ASB7: variants seen among roughly 807,000 people sequenced by gnomAD.
ASB7 encodes ankyrin repeat and SOCS box containing 7.
Under a neutral mutation model 32.5 loss-of-function variants are expected in ASB7, and 4 were observed. The observed-to-expected ratio is 0.12, with a 90% confidence interval of 0.06 to 0.28. The LOEUF (loss-of-function observed/expected upper bound fraction) is 0.28. Ranked by LOEUF, ASB7 falls within the 10% of genes least tolerant of loss-of-function variation. The pLI is 1.00. For missense variants in ASB7, 181 were observed against 407.1 expected (o/e 0.44, Z 4.78); for synonymous variants, 172 against 155.6 (o/e 1.11, Z -0.78).
intron 4 of ASB7, among the ~76,000 whole-genome samples, chr15:100,627,896 A>T (rs1233717999): frequency 6.6e-6 from 1 of 152,216 alleles, no homozygotes; most frequent in Non-Finnish European, 1.5e-5. Context: ...AACTTCTGGT[A>T]AGCGATGCAC....
intron 5 of ASB7, among the ~76,000 whole-genome samples, chr15:100,640,976 G>C (rs887473699): frequency 6.6e-6 from 1 of 152,110 alleles, no homozygotes; most frequent in African/African-American, 2.4e-5. Flanking sequence ...TGAATACCTG[G>C]TAGTTTTTTG....
intron 3 of ASB7, among the ~76,000 whole-genome samples, chr15:100,610,314 G>A (rs2039683745): frequency 6.6e-6 from 1 of 151,888 alleles, no homozygotes; most frequent in African/African-American, 2.4e-5. Context: ...CTAACACGGT[G>A]AAACCCCGTC....
At chr15:100,627,500 G>C (rs1485914845) in intron 4 of ASB7, among the ~76,000 whole-genome samples, 1 of 152,012 alleles carries the variant, frequency 6.6e-6, no homozygotes, top group Non-Finnish European at 1.5e-5. Context: ...CATTTTCATT[G>C]CTTCTAATCT....
intron 4 of ASB7, among the ~76,000 whole-genome samples, chr15:100,620,625 C>G (rs1381932886): frequency 1.3e-5 from 2 of 151,444 alleles, no homozygotes; most frequent in Non-Finnish European, 1.5e-5. Flanking sequence ...TATAATAGCA[C>G]GTCTGTACAA....
At chr15:100,605,391 A>G (rs1370980897) in intron 2 of ASB7, among the ~76,000 whole-genome samples, 1 of 152,262 alleles carries the variant, frequency 6.6e-6, no homozygotes, top group Non-Finnish European at 1.5e-5. Context: ...ATATAGATTT[A>G]TAATCACGTA....
At chr15:100,619,425 A>C (rs2141393583) in intron 4 of ASB7, among the ~76,000 whole-genome samples, 1 of 152,376 alleles carries the variant, frequency 6.6e-6, no homozygotes, top group East Asian at 1.9e-4. Context: ...ACATATCAGA[A>C]GGGCGTAAGC....
chr15:100,621,543 G>A lies in ASB7; in HGVS notation c.212-7894G>A, dbSNP rs115248147. ...TTTGAGTACTTTTGCCACAGACAGTGTAAATGTATTTTTATCATCATTTCA... is the reference window on the plus strand; with the variant it reads ...TTTGAGTACTTTTGCCACAGACAGTATAAATGTATTTTTATCATCATTTCA... On this transcript the variant is annotated intron_variant, in intron 4 of 5. Transcript: ENST00000332783. 5.9e-3 allele frequency among the ~76,000 whole-genome samples: 899 copies of A among 152,218 alleles called. 3 individuals carry two copies. Among genetic ancestry groups the A allele is most frequent in the African/African-American group, 0.016 (656 of 41,540 alleles).
chr15:100,615,183 G>A (rs2039732234), intron 4 of ASB7, among the ~76,000 whole-genome samples: 1 of 152,190 alleles, frequency 6.6e-6, no homozygotes, highest in Non-Finnish European at 1.5e-5. Context: ...TCACACAAGA[G>A]CGAAATCACC....
At chr15:100,616,876 C>G (rs2039748555) in intron 4 of ASB7, among the ~76,000 whole-genome samples, 1 of 152,194 alleles carries the variant, frequency 6.6e-6, no homozygotes, top group Non-Finnish European at 1.5e-5. Context: ...ACCTCTAGAT[C>G]AGTGTAGCCA....
intron 4 of ASB7, among the ~76,000 whole-genome samples, chr15:100,622,402 A>G (rs2039801936): frequency 6.6e-6 from 1 of 152,204 alleles, no homozygotes; most frequent in Non-Finnish European, 1.5e-5. Context: ...TGGTAGATTC[A>G]ATGCAACTGC....
chr15:100,610,042 G>C (rs1399725477), intron 3 of ASB7, among the ~76,000 whole-genome samples: 1 of 152,196 alleles, frequency 6.6e-6, no homozygotes, highest in Non-Finnish European at 1.5e-5. Context: ...AAGCTGTTAA[G>C]GATGATTGTG....
chr15:100,642,642 A>C (rs1265174410), intron 5 of ASB7, among the ~76,000 whole-genome samples: 2 of 152,224 alleles, frequency 1.3e-5, no homozygotes, highest in South Asian at 2.1e-4. Flanking sequence ...ATGCTGCAGA[A>C]CTTTAGTGGC....
At chr15:100,641,456 A>T (rs949057264) in intron 5 of ASB7, among the ~76,000 whole-genome samples, 1 of 152,232 alleles carries the variant, frequency 6.6e-6, no homozygotes, top group African/African-American at 2.4e-5. Flanking sequence ...TTCACTCAGC[A>T]ATACTGGTAC....
chr15:100,647,461 T>G (rs2141409798), intron 5 of ASB7, among the ~76,000 whole-genome samples: 1 of 152,364 alleles, frequency 6.6e-6, no homozygotes, highest in Non-Finnish European at 1.5e-5. Flanking sequence ...CAAAACTTCC[T>G]TGACTCCAAA....
chr15:100,611,085 C>G (rs543699129), intron 3 of ASB7, among the ~76,000 whole-genome samples: 1 of 152,292 alleles, frequency 6.6e-6, no homozygotes, highest in African/African-American at 2.4e-5. Context: ...TGCTCTGTAT[C>G]CCAGGCTGGA....
chr15:100,632,213 T>C (rs1018228508), intron 5 of ASB7, among the ~76,000 whole-genome samples: 1 of 152,192 alleles, frequency 6.6e-6, no homozygotes, highest in Non-Finnish European at 1.5e-5. Context: ...AGCAGAGCTG[T>C]GCGCCTAGGA....
chr15:100,625,957 T>C (rs961692161), intron 4 of ASB7, among the ~76,000 whole-genome samples: 1 of 152,202 alleles, frequency 6.6e-6, no homozygotes, highest in Non-Finnish European at 1.5e-5. Context: ...TAGATATCTT[T>C]GTGGGGAGTA....
chr15:100,606,258 A>G (rs769947307), intron 2 of ASB7, among the ~76,000 whole-genome samples: 2 of 151,510 alleles, frequency 1.3e-5, no homozygotes, highest in African/African-American at 4.9e-5. Context: ...ACCAGCATGT[A>G]TTTTTGTTTA....
intron 2 of ASB7, among the ~76,000 whole-genome samples, chr15:100,608,576 C>T (rs2141386499): frequency 6.6e-6 from 1 of 152,278 alleles, no homozygotes; most frequent in Non-Finnish European, 1.5e-5. Context: ...CTTTGAGCAC[C>T]TCCTTGCTTT....
Sources: gnomAD v4.1 joint callset for allele counts (sites outside exome capture counted in the v4.1 genomes callset) on GRCh38, gnomAD v4.1.1 for gene constraint, MANE v1.5 for transcripts, NCBI Gene and HGNC (gene_info 2026-07-23, HGNC 2026-07-21) for gene names.